GRXCR1: variants seen among roughly 807,000 people sequenced by gnomAD.
GRXCR1 encodes the protein glutaredoxin and cysteine rich domain containing 1.
A neutral mutation model predicts 27.3 loss-of-function variants in GRXCR1; 27 were observed. The observed-to-expected ratio is 0.99, with a 90% confidence interval of 0.73 to 1.37. GRXCR1 has a LOEUF of 1.37. Ranked by LOEUF, GRXCR1 falls within the 40% of genes most tolerant of loss-of-function variation. The pLI is 0.00. For missense variants in GRXCR1, 379 were observed against 354.4 expected (o/e 1.07, Z -0.56); for synonymous variants, 122 against 131.1 (o/e 0.93, Z 0.47).
chr4:42,959,112 C>A (rs1442318700), intron 1 of GRXCR1, among the ~76,000 whole-genome samples: 2 of 151,936 alleles, frequency 1.3e-5, no homozygotes, highest in Non-Finnish European at 2.9e-5. Context: ...AAGACACCTG[C>A]ACTCTCATGC....
intron 1 of GRXCR1, among the ~76,000 whole-genome samples, chr4:42,909,731 A>T (rs1164533353): frequency 6.6e-6 from 1 of 152,136 alleles, no homozygotes; most frequent in Non-Finnish European, 1.5e-5. Flanking sequence ...TCTGTTCATC[A>T]TCCAATTGTA....
intron 2 of GRXCR1, among the ~76,000 whole-genome samples, chr4:42,982,001 T>C (rs1005733284): frequency 6.6e-6 from 1 of 152,160 alleles, no homozygotes; most frequent in Non-Finnish European, 1.5e-5. Flanking sequence ...TGGAAAGTGT[T>C]CTGCTATTAT....
chr4:42,965,548 G>C (rs1016938757), intron 2 of GRXCR1, among the ~76,000 whole-genome samples: 1 of 152,004 alleles, frequency 6.6e-6, no homozygotes, highest in Non-Finnish European at 1.5e-5. Flanking sequence ...CCTCTGCTGG[G>C]TTGGACACCT....
At chr4:42,933,842 G>C (rs1004360069) in intron 1 of GRXCR1, among the ~76,000 whole-genome samples, 1 of 151,838 alleles carries the variant, frequency 6.6e-6, no homozygotes, top group South Asian at 2.1e-4. Context: ...ATGATATTCT[G>C]TTATAGCAGC....
intron 2 of GRXCR1, among the ~76,000 whole-genome samples, chr4:43,011,858 T>C (rs1003766808): frequency 9.9e-5 from 15 of 152,264 alleles, no homozygotes; most frequent in Non-Finnish European, 2.1e-4. Flanking sequence ...TTTACTAAGA[T>C]AGTAGCATGA....
At chr4:42,990,253 G>A (rs1298979353) in intron 2 of GRXCR1, among the ~76,000 whole-genome samples, 1 of 122,900 alleles carries the variant, frequency 8.1e-6, no homozygotes. Context: ...GTGCAGTGTC[G>A]GGATCTCGGC....
chr4:42,987,261 A>ATATAAT (rs1491549715), intron 2 of GRXCR1, among the ~76,000 whole-genome samples: 16 of 97,256 alleles, frequency 1.6e-4, no homozygotes, highest in Admixed American at 1.1e-3. Flanking sequence ...ATATATATAT[A>ATATAAT]ATATATATAT....
At chr4:42,943,837 TG>T (rs1329332962) in intron 1 of GRXCR1, among the ~76,000 whole-genome samples, 1 of 151,954 alleles carries the variant, frequency 6.6e-6, no homozygotes, top group African/African-American at 2.4e-5. Context: ...TTTTACATCT[TG>T]GGGGTTGCCA....
intron 2 of GRXCR1, among the ~76,000 whole-genome samples, chr4:42,989,071 ACT>A (rs1711872115): frequency 6.6e-6 from 1 of 152,214 alleles, no homozygotes; most frequent in Non-Finnish European, 1.5e-5. Context: ...CCAGAGCTAG[ACT>A]GTGGTGGAAG....
chr4:43,030,341 TC>T lies in GRXCR1; in HGVS notation c.694-16del, dbSNP rs769407469. The T allele has an allele frequency of 6.2e-7, 1 of 1,612,242 alleles. No homozygotes were observed. The highest frequency in any genetic ancestry group is 1.7e-5 in the Admixed American group (1 of 60,014). ...TAACACATCCTCTGTTTTCTCTTGT[TC>T]CCCTGCCACCTTATACAGAGAGTAC... On this transcript the variant is annotated intron_variant, in intron 3 of 3. Coordinates refer to ENST00000399770, the MANE Select transcript of GRXCR1 (RefSeq NM_001080476.3).
chr4:42,919,568 G>C (rs1314051906), intron 1 of GRXCR1, among the ~76,000 whole-genome samples: 1 of 152,070 alleles, frequency 6.6e-6, no homozygotes, highest in Non-Finnish European at 1.5e-5. Flanking sequence ...TCAGATTACT[G>C]CCTTCAGAGT....
intron 1 of GRXCR1, among the ~76,000 whole-genome samples, chr4:42,900,355 C>T (rs1746432917): frequency 6.6e-6 from 1 of 152,104 alleles, no homozygotes; most frequent in Non-Finnish European, 1.5e-5. Flanking sequence ...AATTCATTAT[C>T]TCATTTAATT....
chr4:42,965,518 C>G (rs919026208), intron 2 of GRXCR1, among the ~76,000 whole-genome samples: 2 of 152,126 alleles, frequency 1.3e-5, no homozygotes, highest in Non-Finnish European at 2.9e-5. Context: ...ACTATGCATG[C>G]ATCTGAAATG....
At chr4:43,000,511 T>A (rs1712319580) in intron 2 of GRXCR1, among the ~76,000 whole-genome samples, 1 of 149,604 alleles carries the variant, frequency 6.7e-6, no homozygotes, top group African/African-American at 2.5e-5. Context: ...GGCATCTAAG[T>A]CTCATGGTAT....
At chr4:42,996,923 T>C (rs1330502380) in intron 2 of GRXCR1, among the ~76,000 whole-genome samples, 1 of 152,126 alleles carries the variant, frequency 6.6e-6, no homozygotes, top group African/African-American at 2.4e-5. Flanking sequence ...GGATGGGCTG[T>C]CTTTGTTACA....
intron 1 of GRXCR1, among the ~76,000 whole-genome samples, chr4:42,906,039 A>AT (rs1170931717): frequency 6.6e-6 from 1 of 151,950 alleles, no homozygotes; most frequent in Non-Finnish European, 1.5e-5. Context: ...AACTGTGTAC[A>AT]TTTTTTCTGC....
At chr4:42,972,799 GC>G (rs1430074450) in intron 2 of GRXCR1, among the ~76,000 whole-genome samples, 1 of 152,090 alleles carries the variant, frequency 6.6e-6, no homozygotes, top group Non-Finnish European at 1.5e-5. Flanking sequence ...TATTGCTTGA[GC>G]TTTTAAAAGT....
At chr4:42,949,377 C>CAAAAAAAAAAAAAAAAAAAAAAAA (rs1247885385) in intron 1 of GRXCR1, among the ~76,000 whole-genome samples, 1 of 87,460 alleles carries the variant, frequency 1.1e-5, no homozygotes, top group Non-Finnish European at 2.7e-5. Flanking sequence ...AAAAAAAAAA[C>CAAAAAAAAAAAAAAAAAAAAAAAA]AACTTTAAAA....
intron 1 of GRXCR1, among the ~76,000 whole-genome samples, chr4:42,922,150 T>C (rs1747027078): frequency 6.6e-6 from 1 of 152,122 alleles, no homozygotes; most frequent in African/African-American, 2.4e-5. Flanking sequence ...TTTTGATAGA[T>C]ATATATTTAT....
Sources: allele counts gnomAD v4.1 joint callset (sites outside exome capture counted in the v4.1 genomes callset), GRCh38; gene constraint gnomAD v4.1.1; transcripts MANE v1.5; gene names NCBI Gene and HGNC (gene_info 2026-07-23, HGNC 2026-07-21).